TFDP2: variants seen among roughly 807,000 people sequenced by gnomAD.
The protein encoded by TFDP2 is transcription factor Dp-2 (E2F dimerization partner 2).
Under a neutral mutation model 59.3 loss-of-function variants are expected in TFDP2, and 17 were observed. That is an observed-to-expected ratio of 0.29 (90% CI 0.20 to 0.43). TFDP2 has a LOEUF of 0.43. Among genes scored for constraint, TFDP2 ranks in the 20% least tolerant of loss-of-function variants. The pLI, the probability that TFDP2 is intolerant of heterozygous loss-of-function variation, is 1.00. For missense variants in TFDP2, 391 were observed against 528.8 expected (o/e 0.74, Z 2.56); for synonymous variants, 180 against 194.7 (o/e 0.92, Z 0.63).
chr3:142,080,405 T>C (rs2060596122), intron 3 of TFDP2, among the ~76,000 whole-genome samples: 1 of 151,176 alleles, frequency 6.6e-6, no homozygotes, highest in African/African-American at 2.4e-5. Flanking sequence ...TCACCTTAAC[T>C]AAAAGGAACG....
At chr3:142,106,686 AT>A (rs1208722102) in intron 1 of TFDP2, among the ~76,000 whole-genome samples, 1 of 152,188 alleles carries the variant, frequency 6.6e-6, no homozygotes, top group African/African-American at 2.4e-5. Context: ...AGTTAAAAAA[AT>A]AAGTTGGATT....
chr3:141,958,185 A>G (rs1206819697), intron 11 of TFDP2, among the ~76,000 whole-genome samples: 1 of 152,230 alleles, frequency 6.6e-6, no homozygotes, highest in African/African-American at 2.4e-5. Context: ...GGATACATGT[A>G]TAGGAATGTT....
At chr3:141,964,047 T>C (rs995239001) in intron 9 of TFDP2, 84 bp from the exon 10 acceptor site, 1 of 1,286,420 alleles carries the variant, frequency 7.8e-7, no homozygotes, top group Non-Finnish European at 1.1e-6. Context: ...CCTTTAAATA[T>C]AGTTTAAAAT....
intron 4 of TFDP2, among the ~76,000 whole-genome samples, chr3:141,996,587 A>G (rs1222946819): frequency 6.6e-6 from 1 of 152,224 alleles, no homozygotes; most frequent in Non-Finnish European, 1.5e-5. Context: ...TGAATCATTA[A>G]GTTCATTGCT....
chr3:142,064,492 A>G (rs952871363), intron 3 of TFDP2, among the ~76,000 whole-genome samples: 2 of 152,206 alleles, frequency 1.3e-5, no homozygotes, highest in African/African-American at 4.8e-5. Flanking sequence ...GGAGTAGAAA[A>G]AAGATGAATC....
At chr3:141,974,334 A>G in intron 7 of TFDP2, 143 bp from the exon 8 acceptor site, 1 of 605,110 alleles carries the variant, frequency 1.7e-6, no homozygotes, top group East Asian at 3.4e-5. Context: ...AAAAACATCC[A>G]AAAGAATTCT....
At chr3:142,084,871 C>T (rs972468108) in intron 3 of TFDP2, among the ~76,000 whole-genome samples, 1 of 150,702 alleles carries the variant, frequency 6.6e-6, no homozygotes, top group African/African-American at 2.4e-5. Context: ...GGGTGATTAA[C>T]GAGTACAAAA....
At chr3:141,971,379 A>C (rs1255847955) in intron 8 of TFDP2, among the ~76,000 whole-genome samples, 1 of 128,416 alleles carries the variant, frequency 7.8e-6, no homozygotes, top group South Asian at 2.4e-4. Context: ...TCTACTAAAA[A>C]AAAAAAAAAA....
intron 3 of TFDP2, among the ~76,000 whole-genome samples, chr3:142,084,094 A>G (rs1188049421): frequency 6.6e-6 from 1 of 152,196 alleles, no homozygotes; most frequent in Non-Finnish European, 1.5e-5. Flanking sequence ...AACATCCGCA[A>G]ACTACCCACC....
intron 3 of TFDP2, chr3:142,028,600 C>T (rs1946267517): frequency 5.1e-6 from 5 of 985,290 alleles, no homozygotes; most frequent in Middle Eastern, 5.2e-4. Context: ...AAGCATGCCT[C>T]TCACTGCAGT....
At chr3:142,060,195 C>T (rs2059872166) in intron 3 of TFDP2, among the ~76,000 whole-genome samples, 1 of 152,040 alleles carries the variant, frequency 6.6e-6, no homozygotes, top group Non-Finnish European at 1.5e-5. Context: ...GAGAAAGTTC[C>T]ACTTTGAAAA....
intron 1 of TFDP2, among the ~76,000 whole-genome samples, chr3:142,131,485 T>C (rs535592561): frequency 6.7e-6 from 1 of 150,106 alleles, no homozygotes; most frequent in Non-Finnish European, 1.5e-5. Flanking sequence ...GCTCCCAAAA[T>C]GCGAGAGTAC....
At chr3:142,094,568 G>A (rs1471256918) in intron 2 of TFDP2, among the ~76,000 whole-genome samples, 2 of 151,926 alleles carry the variant, frequency 1.3e-5, no homozygotes, top group Non-Finnish European at 2.9e-5. Flanking sequence ...GCTTCCCAAA[G>A]TGCTGGGATT....
chr3:142,123,522 C>A (rs551883341), intron 1 of TFDP2, among the ~76,000 whole-genome samples: 51 of 152,234 alleles, frequency 3.4e-4, no homozygotes, highest in African/African-American at 5.5e-4. Context: ...CCTCCCTAGG[C>A]CTCCCAAAGT....
chr3:141,971,560 A>AC (rs1420857754), intron 8 of TFDP2, among the ~76,000 whole-genome samples: 2 of 152,008 alleles, frequency 1.3e-5, no homozygotes, highest in East Asian at 3.9e-4. Flanking sequence ...AACAAAAAAA[A>AC]AAAGAAAATT....
chr3:142,049,767 A>G (rs2108483260), intron 3 of TFDP2, among the ~76,000 whole-genome samples: 1 of 152,340 alleles, frequency 6.6e-6, no homozygotes, highest in Admixed American at 6.5e-5. Flanking sequence ...CAAGGTCAAT[A>G]TACAAAAGCC....
intron 2 of TFDP2, among the ~76,000 whole-genome samples, chr3:142,094,487 TAGAGA>T (rs1236540610): frequency 1.3e-5 from 2 of 151,796 alleles, no homozygotes; most frequent in African/African-American, 4.8e-5. Flanking sequence ...GTATTTTTAG[TAGAGA>T]AGGGGTTTCA....
At chr3:142,010,805 A>G (rs1423665881) in intron 3 of TFDP2, among the ~76,000 whole-genome samples, 1 of 143,276 alleles carries the variant, frequency 7.0e-6, no homozygotes, top group African/African-American at 2.6e-5. Context: ...TTCTCAAAAG[A>G]AGACATTTAT....
At chr3:142,109,486 C>G (rs2061579663) in intron 1 of TFDP2, among the ~76,000 whole-genome samples, 1 of 152,022 alleles carries the variant, frequency 6.6e-6, no homozygotes, top group Admixed American at 6.6e-5. Flanking sequence ...GCGCCAGCAC[C>G]CCTGGCTAAT....
Sources: allele counts gnomAD v4.1 joint callset (sites outside exome capture counted in the v4.1 genomes callset), GRCh38; gene constraint gnomAD v4.1.1; transcripts MANE v1.5; gene names NCBI Gene and HGNC (gene_info 2026-07-23, HGNC 2026-07-21).